SHISAL1: variants seen among roughly 807,000 people sequenced by gnomAD.
SHISAL1 encodes the protein protein shisa-like-1.
SHISAL1 carries 9 observed loss-of-function variants against 22.6 expected under a neutral mutation model. The observed-to-expected ratio is 0.40, with a 90% CI of 0.24 to 0.70. SHISAL1 has a LOEUF of 0.70. Ranked by LOEUF, SHISAL1 falls within the 30% of genes least tolerant of loss-of-function variation. The pLI is 0.39. For missense variants in SHISAL1, 246 were observed against 270.6 expected (o/e 0.91, Z 0.64); for synonymous variants, 119 against 115.4 (o/e 1.03, Z -0.20).
chr22:44,253,794 A>T (rs1257792541), intron 4 of SHISAL1, among the ~76,000 whole-genome samples: 1 of 151,650 alleles, frequency 6.6e-6, no homozygotes, highest in Non-Finnish European at 1.5e-5. Flanking sequence ...GTTGGCAAAA[A>T]CTAAAGTAAG....
chr22:44,259,341 G>C (rs1015492898), intron 4 of SHISAL1, among the ~76,000 whole-genome samples: 1 of 152,170 alleles, frequency 6.6e-6, no homozygotes, highest in Non-Finnish European at 1.5e-5. Flanking sequence ...AGGAGGCTGA[G>C]GCAGGAGAAT....
At chr22:44,253,806 A>C (rs2055066181) in intron 4 of SHISAL1, among the ~76,000 whole-genome samples, 1 of 150,958 alleles carries the variant, frequency 6.6e-6, no homozygotes, top group Non-Finnish European at 1.5e-5. Context: ...TAAAGTAAGG[A>C]TATACGGAGC....
At chr22:44,298,784 C>A (rs1159322190) in intron 2 of SHISAL1, among the ~76,000 whole-genome samples, 1 of 152,192 alleles carries the variant, frequency 6.6e-6, no homozygotes, top group Non-Finnish European at 1.5e-5. Flanking sequence ...GGAGGGCAGG[C>A]CCGGCGAGGT....
At chr22:44,277,046 C>T (rs2055244800) in intron 4 of SHISAL1, among the ~76,000 whole-genome samples, 1 of 152,214 alleles carries the variant, frequency 6.6e-6, no homozygotes, top group Non-Finnish European at 1.5e-5. Context: ...GATGCCCTTT[C>T]CCCACTTTGG....
intron 1 of SHISAL1, among the ~76,000 whole-genome samples, chr22:44,308,961 C>T (rs539100365): frequency 6.6e-6 from 1 of 152,346 alleles, no homozygotes; most frequent in South Asian, 2.1e-4. Context: ...GCCCAGCATT[C>T]TGGGTGTGAA....
the SHISAL1 span, among the ~76,000 whole-genome samples, chr22:44,326,759 C>G: frequency 6.6e-6 from 1 of 152,038 alleles, no homozygotes; most frequent in Non-Finnish European, 1.5e-5. Context: ...ACGCCCTGTT[C>G]AGGTTGATGT....
intron 3 of SHISAL1, among the ~76,000 whole-genome samples, chr22:44,292,948 A>G (rs1463396090): frequency 1.3e-5 from 2 of 152,246 alleles, no homozygotes; most frequent in Non-Finnish European, 2.9e-5. Flanking sequence ...TGGCCTATGC[A>G]GCCTCAAGCC....
Position 44,303,807 on chromosome 22 carries a change from G to A in SHISAL1, c.-32-2830C>T, listed in dbSNP as rs1395248844. Among the ~76,000 whole-genome samples, 4 of 152,192 alleles carry A rather than the reference G, an allele frequency of 2.6e-5. 1 individual carries two copies. Among genetic ancestry groups the A allele is most frequent in the Non-Finnish European group, 1.5e-5 (1 of 67,972 alleles). ...AGGATGGTGGGGCCTGGAGAGCCCC[G>A]AATCCCACCCGGGTGGGAGACCCTG... On this transcript the variant is annotated intron_variant, in intron 1 of 4. Transcript: ENST00000381176.
Position 44,245,384 on chromosome 22 carries a change from A to T in SHISAL1, c.*4301T>A, listed in dbSNP as rs912562147. 1 of 152,266 alleles carries T rather than the reference A, an allele frequency of 6.6e-6. No individual in the cohort carries two copies. Among genetic ancestry groups the T allele is most frequent in the African/African-American group, 2.4e-5 (1 of 41,440 alleles). The allele number at this position is 152,266 out of a possible 1,614,324, so 9.4% of individuals were successfully genotyped here. On this transcript the variant is annotated 3_prime_UTR_variant, in exon 5 of 5. Transcript: ENST00000381176. ...GGCTGGAGTGCACTGGTGCGATCTC[A>T]GCTCACTGCAAGCTCTGCCTTCTGG...
intron 1 of SHISAL1, among the ~76,000 whole-genome samples, chr22:44,311,681 G>A (rs893727986): frequency 1.3e-5 from 2 of 152,208 alleles, no homozygotes; most frequent in African/African-American, 4.8e-5. Context: ...ACAGCTGAAA[G>A]GGGCTTAGCT....
chr22:44,290,824 G>A (rs1445395348), intron 3 of SHISAL1, among the ~76,000 whole-genome samples: 1 of 152,220 alleles, frequency 6.6e-6, no homozygotes, highest in East Asian at 1.9e-4. Flanking sequence ...GCTGGCTCGT[G>A]TGATTAAGGC....
chr22:44,266,496 C>T (rs1336140201), intron 4 of SHISAL1, among the ~76,000 whole-genome samples: 12 of 89,684 alleles, frequency 1.3e-4, no homozygotes, highest in Admixed American at 5.0e-4. Flanking sequence ...GTTGGGGGCT[C>T]TGGTGTATGT....
intron 4 of SHISAL1, among the ~76,000 whole-genome samples, chr22:44,283,857 A>G (rs567955257): frequency 5.3e-5 from 8 of 152,200 alleles, no homozygotes; most frequent in African/African-American, 1.7e-4. Flanking sequence ...TAGTTTGACA[A>G]ACCCTCTAGG....
At chr22:44,300,579 G>A (rs1473163771) in intron 2 of SHISAL1, among the ~76,000 whole-genome samples, 1 of 152,160 alleles carries the variant, frequency 6.6e-6, no homozygotes, top group Non-Finnish European at 1.5e-5. Flanking sequence ...TGTCTCGCAG[G>A]GGCAAAGGAG....
intron 3 of SHISAL1, among the ~76,000 whole-genome samples, chr22:44,289,554 C>G (rs1181281208): frequency 2.0e-5 from 3 of 151,750 alleles, no homozygotes. Flanking sequence ...ATGACATGAC[C>G]CCCGGCCCTC....
upstream of SHISAL1, among the ~76,000 whole-genome samples, chr22:44,314,978 T>C (rs2055548845): frequency 6.6e-6 from 1 of 152,154 alleles, no homozygotes; most frequent in South Asian, 2.1e-4. Context: ...GAACTGTAAA[T>C]AAAATGTTCT....
chr22:44,265,032 T>C (rs762461336), intron 4 of SHISAL1, among the ~76,000 whole-genome samples: 1 of 152,110 alleles, frequency 6.6e-6, no homozygotes, highest in Non-Finnish European at 1.5e-5. Context: ...CACCAGAGTG[T>C]TGACTTTTCC....
chr22:44,318,503 C>A, the SHISAL1 span, among the ~76,000 whole-genome samples: 1 of 152,192 alleles, frequency 6.6e-6, no homozygotes, highest in African/African-American at 2.4e-5. Flanking sequence ...GAGGACAGGA[C>A]GTGCAGGCTG....
At chr22:44,286,103 T>C (rs1203464025) in intron 3 of SHISAL1, among the ~76,000 whole-genome samples, 1 of 152,142 alleles carries the variant, frequency 6.6e-6, no homozygotes, top group Non-Finnish European at 1.5e-5. Context: ...TGGTGCTGTT[T>C]TGGTCTGCCC....
Sources: gnomAD v4.1 joint callset for allele counts (sites outside exome capture counted in the v4.1 genomes callset) on GRCh38, gnomAD v4.1.1 for gene constraint, MANE v1.5 for transcripts, NCBI Gene and HGNC (gene_info 2026-07-23, HGNC 2026-07-21) for gene names.